The following TM4SF4 variants were observed in gnomAD, a reference collection of about 807,000 sequenced individuals.
TM4SF4 encodes the protein transmembrane 4 L six family member 4, also known as transmembrane 4 L6 family member 4.
Under a neutral mutation model 24.1 loss-of-function variants are expected in TM4SF4, and 24 were observed. That is an observed-to-expected ratio of 1.00 (90% confidence interval 0.72 to 1.40). The LOEUF (loss-of-function observed/expected upper bound fraction) is 1.40. Ranked by LOEUF, TM4SF4 falls within the 40% of genes most tolerant of loss-of-function variation. The pLI is 0.00. For synonymous variants in TM4SF4, 113 were observed against 97.0 expected (o/e 1.17, Z -0.97); for missense variants, 254 against 254.2 (o/e 1.00, Z 0.01).
At chr3:149,500,057 T>C (rs1272096632) in intron 4 of TM4SF4, among the ~76,000 whole-genome samples, 1 of 152,186 alleles carries the variant, frequency 6.6e-6, no homozygotes, top group African/African-American at 2.4e-5. Flanking sequence ...TAGGTAAGGT[T>C]ACCTAATTTC....
chr3:149,498,648 T>C (rs9861739), intron 3 of TM4SF4, 74 bp from the exon 4 acceptor site: 2 of 1,373,656 alleles, frequency 1.5e-6, no homozygotes, highest in Middle Eastern at 1.8e-4. Context: ...AGAAACATTG[T>C]TATGGTAACT....
chr3:149,476,798 TTTTGTTTTTGTTTTTG>T (rs1196002581), intron 2 of TM4SF4, among the ~76,000 whole-genome samples: 15 of 57,438 alleles, frequency 2.6e-4, no homozygotes, highest in Admixed American at 5.9e-4. Context: ...TTCTGTTTTT[TTTTGTTTTTGTTTTTG>T]TTTTTTTTTT....
In TM4SF4 at chr3:149,502,775, T is replaced by A; in HGVS notation, c.*82T>A. 2.0e-6 allele frequency: 2 copies of A among 1,015,522 alleles called. No homozygotes were observed. The allele number at this position is 1,015,522 out of a possible 1,614,324, so 62.9% of individuals were successfully genotyped here. ...AAAACTTCTTCTCTTCTTGGAATTA[T>A]TAATTCCTATCTGCTTCCTAGCTGA... is the stretch of plus-strand genomic sequence containing the variant. On this transcript the variant is annotated 3_prime_UTR_variant, in exon 5 of 5. Transcript: ENST00000305354.
intron 3 of TM4SF4, among the ~76,000 whole-genome samples, chr3:149,492,616 G>C (rs973028602): frequency 6.6e-6 from 1 of 151,922 alleles, no homozygotes; most frequent in Admixed American, 6.6e-5. Context: ...AGGGAGGGAC[G>C]GGGCTATGCA....
chr3:149,487,136 C>A (rs1734130491), intron 2 of TM4SF4, among the ~76,000 whole-genome samples: 1 of 152,032 alleles, frequency 6.6e-6, no homozygotes, highest in African/African-American at 2.4e-5. Flanking sequence ...ACGCCTGTAA[C>A]CCCAGCTACT....
Position 149,495,625 on chromosome 3 carries a change from T to C in TM4SF4, c.402-3097T>C, listed in dbSNP as rs557583369. 217 of 334,994 alleles carry C rather than the reference T, an allele frequency of 6.5e-4. 1 individual carries two copies. The highest frequency in any genetic ancestry group is 4.4e-3 in the African/African-American group (201 of 45,868). 20.8% of individuals were successfully genotyped at this position (334,994 alleles called of 1,614,324 possible). On this transcript the variant is annotated intron_variant, in intron 3 of 4. Transcript: ENST00000305354. The stretch of plus-strand genomic sequence containing the variant: ...GGTAACAGCAAAAATGACCCACCAA[T>C]GGGAGCAGCTGGCTTCACTGCTGAA...
At chr3:149,495,160 G>T in intron 3 of TM4SF4, 1 of 224,054 alleles carries the variant, frequency 4.5e-6, no homozygotes, top group South Asian at 7.1e-5. Flanking sequence ...CATTAAGAAA[G>T]TCAGCTCTTA....
Position 149,502,936 on chromosome 3 carries a change from A to T in TM4SF4, c.*243A>T, listed in dbSNP as rs1734455217. On this transcript the variant is annotated 3_prime_UTR_variant, in exon 5 of 5. Coordinates refer to ENST00000305354, the MANE Select transcript of TM4SF4 (RefSeq NM_004617.4). ...AAATCTTTCAAATTAGTTCCTTTTT[A>T]GAATTTACCAACAGGTTCAAAGCAT... 2.2e-6 allele frequency: 1 copy of T among 449,116 alleles called. No individual in the cohort carries two copies. The highest frequency in any genetic ancestry group is 3.9e-5 in the Admixed American group (1 of 25,366). 27.8% of individuals were successfully genotyped at this position (449,116 alleles called of 1,614,324 possible). A position where few individuals can be genotyped will look rare whatever the true frequency, so the allele number is the denominator to read the frequency against.
At chr3:149,490,711 G>A (rs1239268773) in intron 3 of TM4SF4, among the ~76,000 whole-genome samples, 1 of 152,210 alleles carries the variant, frequency 6.6e-6, no homozygotes, top group East Asian at 1.9e-4. Context: ...TAAAAAGGGT[G>A]TGTGGACTCT....
At chr3:149,484,803 C>T (rs9850213) in intron 2 of TM4SF4, among the ~76,000 whole-genome samples, 44,500 of 152,084 alleles carry the variant, frequency 0.29, 8,135 homozygotes, top group Non-Finnish European at 0.41. Context: ...CCACCAGCCT[C>T]GGCCCCGCAA....
chr3:149,483,513 A>G (rs1734068129), intron 2 of TM4SF4, among the ~76,000 whole-genome samples: 1 of 149,668 alleles, frequency 6.7e-6, no homozygotes, highest in Non-Finnish European at 1.5e-5. Flanking sequence ...TTTTCTTACA[A>G]GGAGTCACAG....
intron 2 of TM4SF4, among the ~76,000 whole-genome samples, chr3:149,478,199 G>A (rs1366947616): frequency 1.3e-5 from 2 of 152,212 alleles, no homozygotes; most frequent in East Asian, 1.9e-4. Flanking sequence ...AGGCTGGAGC[G>A]CAATGGCGCG....
chr3:149,488,552 A>G (rs774123123), intron 3 of TM4SF4, among the ~76,000 whole-genome samples: 2 of 152,176 alleles, frequency 1.3e-5, no homozygotes, highest in Non-Finnish European at 2.9e-5. Context: ...AGCCATATGG[A>G]GCTATTTAAA....
intron 3 of TM4SF4, among the ~76,000 whole-genome samples, chr3:149,491,230 G>C (rs4234367): frequency 6.8e-6 from 1 of 146,826 alleles, no homozygotes; most frequent in African/African-American, 2.5e-5. Flanking sequence ...AGGATTGCTT[G>C]AGCCCAGGAG....
At chr3:149,489,671 C>T (rs1734178268) in intron 3 of TM4SF4, among the ~76,000 whole-genome samples, 1 of 152,190 alleles carries the variant, frequency 6.6e-6, no homozygotes, top group South Asian at 2.1e-4. Flanking sequence ...GGAAGTTCTT[C>T]ATATTAGTAC....
chr3:149,495,749 GA>G (rs1451520178), intron 3 of TM4SF4: 3 of 231,078 alleles, frequency 1.3e-5, no homozygotes, highest in Non-Finnish European at 2.7e-5. Flanking sequence ...TGAGCTGAAG[GA>G]AAAGATCGAT....
At chr3:149,485,631 T>C (rs1387285506) in intron 2 of TM4SF4, among the ~76,000 whole-genome samples, 1 of 151,684 alleles carries the variant, frequency 6.6e-6, no homozygotes, top group East Asian at 1.9e-4. Flanking sequence ...AAGACAGCCA[T>C]AAAAAGCTAA....
chr3:149,489,023 G>A (rs997609015), intron 3 of TM4SF4, among the ~76,000 whole-genome samples: 4 of 152,190 alleles, frequency 2.6e-5, no homozygotes, highest in Non-Finnish European at 4.4e-5. Context: ...GTTCACAGAC[G>A]TCCCACATGA....
chr3:149,485,625 C>G (rs986878688), intron 2 of TM4SF4, among the ~76,000 whole-genome samples: 1 of 151,882 alleles, frequency 6.6e-6, no homozygotes, highest in African/African-American at 2.4e-5. Context: ...TTGGAGAAGA[C>G]AGCCATAAAA....
Sources: allele counts gnomAD v4.1 joint callset (sites outside exome capture counted in the v4.1 genomes callset), GRCh38; gene constraint gnomAD v4.1.1; transcripts MANE v1.5; gene names NCBI Gene and HGNC (gene_info 2026-07-23, HGNC 2026-07-21).